Variants in MGAT5 observed in about 807,000 individuals in gnomAD.
MGAT5 encodes the protein alpha-1,6-mannosylglycoprotein 6-beta-N-acetylglucosaminyltransferase A.
Under a neutral mutation model 94.3 loss-of-function variants are expected in MGAT5, and 30 were observed. The observed-to-expected ratio is 0.32, with a 90% CI of 0.24 to 0.43. The LOEUF is 0.43. Among genes scored for constraint, MGAT5 ranks in the 20% least tolerant of loss-of-function variants. The pLI is 1.00. For missense variants in MGAT5, 691 were observed against 905.5 expected (o/e 0.76, Z 3.04); for synonymous variants, 310 against 322.9 (o/e 0.96, Z 0.43).
rs538003622 is a variant in MGAT5 at position 134,449,753 on chromosome 2, T to C, written c.*906T>C. 3 of 152,312 alleles carry C rather than the reference T, an allele frequency of 2.0e-5. 1 individual carries two copies. The highest frequency in any genetic ancestry group is 1.9e-4 in the East Asian group (1 of 5,186). The allele number at this position is 152,312 out of a possible 1,614,324, so 9.4% of individuals were successfully genotyped here. ...GAGGAGGAAAGTAGAGATGAAAGAC[T>C]CACGCTGTTCATGGACTTGGAGAGG... On this transcript the variant is annotated 3_prime_UTR_variant, in exon 16 of 16. Transcript: ENST00000281923.
intron 1 of MGAT5, among the ~76,000 whole-genome samples, chr2:134,195,132 C>G (rs1359734927): frequency 6.6e-6 from 1 of 152,166 alleles, no homozygotes; most frequent in Non-Finnish European, 1.5e-5. Flanking sequence ...ACCTCCAGGA[C>G]TGAAACACCA....
chr2:134,195,796 C>T (rs1056671286), intron 1 of MGAT5, among the ~76,000 whole-genome samples: 1 of 152,170 alleles, frequency 6.6e-6, no homozygotes, highest in African/African-American at 2.4e-5. Context: ...GCTGGGTAAT[C>T]TTATTTTCCG....
At chr2:134,399,881 C>T (rs1682937570) in intron 10 of MGAT5, among the ~76,000 whole-genome samples, 1 of 152,094 alleles carries the variant, frequency 6.6e-6, no homozygotes, top group African/African-American at 2.4e-5. Flanking sequence ...ACCTCTAACG[C>T]CCTCCCCATT....
At chr2:134,401,610 G>T (rs1683057328) in intron 10 of MGAT5, among the ~76,000 whole-genome samples, 1 of 152,184 alleles carries the variant, frequency 6.6e-6, no homozygotes, top group African/African-American at 2.4e-5. Context: ...ACTAACATAT[G>T]CCAGGTAGGT....
At chr2:134,213,917 G>A (rs1680331069) in intron 1 of MGAT5, among the ~76,000 whole-genome samples, 3 of 152,202 alleles carry the variant, frequency 2.0e-5, no homozygotes, top group African/African-American at 7.2e-5. Context: ...ATGTAGGGAC[G>A]ATCGATTAAA....
At chr2:134,120,098 G>C (rs1386057134), upstream of MGAT5, 1 of 153,196 alleles carries the variant, frequency 6.5e-6, no homozygotes, top group African/African-American at 2.4e-5. Context: ...CCCCGCCAGG[G>C]CTGGTAGTTT....
intron 2 of MGAT5, among the ~76,000 whole-genome samples, chr2:134,302,054 T>G (rs1686053126): frequency 6.6e-6 from 1 of 152,188 alleles, no homozygotes; most frequent in Non-Finnish European, 1.5e-5. Flanking sequence ...GTCAGCCAAG[T>G]ATTAAATATT....
intron 8 of MGAT5, among the ~76,000 whole-genome samples, chr2:134,346,326 G>T (rs1164703804): frequency 6.6e-6 from 1 of 152,138 alleles, no homozygotes; most frequent in East Asian, 1.9e-4. Flanking sequence ...ATTGGTATTT[G>T]ATTTCTTGTT....
chr2:134,381,381 AT>A (rs560358955), intron 10 of MGAT5, among the ~76,000 whole-genome samples: 27,062 of 68,192 alleles, frequency 0.4, 3,787 homozygotes, highest in Middle Eastern at 0.44. Flanking sequence ...GATAAGATAG[AT>A]TAGATAGATA....
At chr2:134,336,759 G>A (rs1484466570) in intron 5 of MGAT5, among the ~76,000 whole-genome samples, 3 of 152,150 alleles carry the variant, frequency 2.0e-5, no homozygotes, top group Non-Finnish European at 4.4e-5. Context: ...GTGGGAAAAT[G>A]AGAGCATAGC....
At chr2:134,302,667 T>C (rs1432552192) in intron 2 of MGAT5, among the ~76,000 whole-genome samples, 1 of 151,648 alleles carries the variant, frequency 6.6e-6, no homozygotes, top group African/African-American at 2.4e-5. Flanking sequence ...AAGACATAAA[T>C]ATAGAATTCT....
chr2:134,439,419 G>A (rs373272307), intron 14 of MGAT5, among the ~76,000 whole-genome samples: 1 of 152,244 alleles, frequency 6.6e-6, no homozygotes, highest in Non-Finnish European at 1.5e-5. Flanking sequence ...ACACAAGGCC[G>A]GGCGCGGTGG....
intron 1 of MGAT5, among the ~76,000 whole-genome samples, chr2:134,208,838 AC>A (rs1440390005): frequency 2.0e-5 from 3 of 152,198 alleles, no homozygotes; most frequent in Admixed American, 2.0e-4. Flanking sequence ...TTGTTTTTAT[AC>A]CATATTCTTT....
intron 1 of MGAT5, among the ~76,000 whole-genome samples, chr2:134,209,293 C>A (rs1181971961): frequency 2.0e-5 from 1 of 49,008 alleles, no homozygotes; most frequent in Non-Finnish European, 3.1e-5. Context: ...CACCCACTAA[C>A]GTGTCATCTA....
At chr2:134,439,355 C>T (rs1432739111) in intron 14 of MGAT5, among the ~76,000 whole-genome samples, 1 of 152,166 alleles carries the variant, frequency 6.6e-6, no homozygotes, top group African/African-American at 2.4e-5. Flanking sequence ...CCCACAGAGC[C>T]TTCGGTGGGT....
chr2:134,273,030 C>T (rs996239110), intron 2 of MGAT5, among the ~76,000 whole-genome samples: 4 of 123,546 alleles, frequency 3.2e-5, no homozygotes, highest in East Asian at 3.5e-4. Flanking sequence ...TGCGCGCGCG[C>T]GTGCGCGTGC....
At chr2:134,345,170 TATG>T (rs1688848659) in intron 8 of MGAT5, 106 bp downstream of exon 8, 2 of 1,153,966 alleles carry the variant, frequency 1.7e-6, no homozygotes, top group South Asian at 3.4e-5. Flanking sequence ...TTTTCAGCTG[TATG>T]GAGTGTTGCT....
At chr2:134,166,395 A>G (rs574975450) in intron 1 of MGAT5, among the ~76,000 whole-genome samples, 1 of 152,336 alleles carries the variant, frequency 6.6e-6, no homozygotes, top group African/African-American at 2.4e-5. Context: ...ACTGGAGTTT[A>G]CAGCTTAAAC....
intron 1 of MGAT5, among the ~76,000 whole-genome samples, chr2:134,255,972 G>A (rs1281858246): frequency 6.6e-6 from 1 of 152,186 alleles, no homozygotes; most frequent in East Asian, 1.9e-4. Context: ...ATGTGTATGT[G>A]TGTGTGTGTA....
Sources: allele counts gnomAD v4.1 joint callset (sites outside exome capture counted in the v4.1 genomes callset), GRCh38; gene constraint gnomAD v4.1.1; transcripts MANE v1.5; gene names NCBI Gene and HGNC (gene_info 2026-07-23, HGNC 2026-07-21).